Variants in FOXJ3 observed in about 807,000 individuals in gnomAD.
The protein encoded by FOXJ3 is forkhead box J3.
FOXJ3 carries 22 observed loss-of-function variants against 76.1 expected under a neutral mutation model. The ratio of observed to expected loss-of-function variants is 0.29; its 90% CI spans 0.21 to 0.41. The LOEUF is 0.41. Among genes scored for constraint, FOXJ3 ranks in the 10% least tolerant of loss-of-function variants. The pLI, the probability that FOXJ3 is intolerant of heterozygous loss-of-function variation, is 1.00. For missense variants in FOXJ3, 613 were observed against 762.1 expected (o/e 0.80, Z 2.30); for synonymous variants, 269 against 261.2 (o/e 1.03, Z -0.29).
chr1:42,249,534 C>T (rs150558139), intron 4 of FOXJ3, among the ~76,000 whole-genome samples: 14 of 152,254 alleles, frequency 9.2e-5, no homozygotes, highest in Middle Eastern at 3.4e-3. Context: ...GGCAAAGTGA[C>T]GATTTCTAGA....
chr1:42,262,993 T>C (rs1162236425), intron 4 of FOXJ3, among the ~76,000 whole-genome samples: 4 of 150,970 alleles, frequency 2.6e-5, no homozygotes, highest in African/African-American at 9.9e-5. Flanking sequence ...TGAGGTGTTT[T>C]AATACATACA....
In FOXJ3 at chr1:42,237,405, C is replaced by CATATATATATATATATAT. The variant is rs60560055; in HGVS notation, c.445-9457_445-9440dup. ...ATATATATATATACATACATACATA[C>CATATATATATATATATAT]ATATATATATATATATATATATACA... is the stretch of plus-strand genomic sequence containing the variant. On this transcript the variant is annotated intron_variant, in intron 4 of 12. Coordinates refer to ENST00000361346, the MANE Select transcript of FOXJ3 (RefSeq NM_014947.5). Among the ~76,000 whole-genome samples the CATATATATATATATATAT allele has an allele frequency of 3.0e-3, 423 of 140,668 alleles. 2 individuals are homozygous for CATATATATATATATATAT. The highest frequency in any genetic ancestry group is 7.4e-3 in the Middle Eastern group (2 of 270). 92.3% of individuals were successfully genotyped at this position (140,668 alleles called of 152,430 possible). A position where few individuals can be genotyped will look rare whatever the true frequency, so the allele number is the denominator to read the frequency against.
At chr1:42,244,400 C>T (rs1649377725) in intron 4 of FOXJ3, among the ~76,000 whole-genome samples, 1 of 152,054 alleles carries the variant, frequency 6.6e-6, no homozygotes, top group Non-Finnish European at 1.5e-5. Context: ...CCTATAGTCC[C>T]AGCTACTCAA....
At chr1:42,198,067 T>C (rs973504357) in intron 7 of FOXJ3, among the ~76,000 whole-genome samples, 58 of 152,178 alleles carry the variant, frequency 3.8e-4, no homozygotes, top group Non-Finnish European at 7.2e-4. Flanking sequence ...ATAGATTTTT[T>C]CCCCATTAAT....
intron 4 of FOXJ3, among the ~76,000 whole-genome samples, chr1:42,235,550 G>A (rs925540468): frequency 6.9e-5 from 10 of 145,358 alleles, no homozygotes; most frequent in East Asian, 2.0e-4. Context: ...GGCTCCACCC[G>A]TTTTTTTTTG....
At chr1:42,334,725 C>A (rs771207967) in intron 1 of FOXJ3, among the ~76,000 whole-genome samples, 9 of 151,934 alleles carry the variant, frequency 5.9e-5, no homozygotes, top group Non-Finnish European at 1.3e-4. Context: ...CGGTCGCTGC[C>A]CTCGGACTAG....
intron 4 of FOXJ3, among the ~76,000 whole-genome samples, chr1:42,261,847 G>C (rs1412018009): frequency 7.9e-5 from 12 of 152,126 alleles, no homozygotes; most frequent in Admixed American, 7.9e-4. Context: ...CTCCTCAAAT[G>C]TCAGGAAACA....
chr1:42,250,224 C>A (rs997779324), intron 4 of FOXJ3, among the ~76,000 whole-genome samples: 1 of 152,124 alleles, frequency 6.6e-6, no homozygotes, highest in African/African-American at 2.4e-5. Context: ...TTTAAAAAAT[C>A]TCAACTCTTC....
intron 5 of FOXJ3, among the ~76,000 whole-genome samples, chr1:42,224,897 G>T (rs944277443): frequency 6.6e-6 from 1 of 151,584 alleles, no homozygotes; most frequent in African/African-American, 2.4e-5. Flanking sequence ...GACCAGCCTC[G>T]GCAACATGGC....
At chr1:42,296,581 T>G (rs1000668224) in intron 2 of FOXJ3, among the ~76,000 whole-genome samples, 1 of 152,248 alleles carries the variant, frequency 6.6e-6, no homozygotes, top group Non-Finnish European at 1.5e-5. Flanking sequence ...CTCCACTGTT[T>G]ATTTTCATCA....
chr1:42,206,254 G>A (rs1220686075), intron 5 of FOXJ3, among the ~76,000 whole-genome samples: 1 of 152,202 alleles, frequency 6.6e-6, no homozygotes, highest in African/African-American at 2.4e-5. Flanking sequence ...GAAGCTGCCT[G>A]TGGCCATGTG....
intron 6 of FOXJ3, among the ~76,000 whole-genome samples, chr1:42,202,991 T>C (rs1646791541): frequency 6.6e-6 from 1 of 152,208 alleles, no homozygotes. Flanking sequence ...TGTGTGACCT[T>C]TTCCCCATGT....
chr1:42,230,135 C>T (rs1200489340), intron 4 of FOXJ3, among the ~76,000 whole-genome samples: 18 of 152,168 alleles, frequency 1.2e-4, no homozygotes, highest in African/African-American at 2.2e-4. Context: ...AAATCCTGAA[C>T]GCCTAAATGC....
intron 4 of FOXJ3, among the ~76,000 whole-genome samples, chr1:42,250,536 G>A (rs1414268355): frequency 6.6e-6 from 1 of 152,058 alleles, no homozygotes; most frequent in Non-Finnish European, 1.5e-5. Context: ...GGACCAAAGG[G>A]AAGCTCTATA....
chr1:42,259,496 G>A (rs1650872300), intron 4 of FOXJ3, among the ~76,000 whole-genome samples: 1 of 152,172 alleles, frequency 6.6e-6, no homozygotes, highest in African/African-American at 2.4e-5. Context: ...AGAGAACACT[G>A]TATGTCTCAA....
intron 4 of FOXJ3, among the ~76,000 whole-genome samples, chr1:42,230,497 A>G (rs1025157582): frequency 6.6e-6 from 1 of 152,198 alleles, no homozygotes; most frequent in Non-Finnish European, 1.5e-5. Flanking sequence ...AAATTAATTT[A>G]TGTTTCATAT....
chr1:42,287,840 T>C (rs535886652), intron 2 of FOXJ3, among the ~76,000 whole-genome samples: 25 of 152,226 alleles, frequency 1.6e-4, no homozygotes, highest in African/African-American at 6.0e-4. Flanking sequence ...AGTGTGTCCC[T>C]GTAGTCCCAG....
chr1:42,221,437 G>A (rs550953085), intron 5 of FOXJ3, among the ~76,000 whole-genome samples: 6 of 152,240 alleles, frequency 3.9e-5, no homozygotes, highest in Admixed American at 6.5e-5. Context: ...AAGTAACTTG[G>A]AGCACTCACT....
intron 2 of FOXJ3, among the ~76,000 whole-genome samples, chr1:42,302,116 T>C: frequency 6.6e-6 from 1 of 152,146 alleles, no homozygotes; most frequent in Non-Finnish European, 1.5e-5. Flanking sequence ...CAAATGCTGG[T>C]TATATCAGTG....
Sources: gnomAD v4.1 joint callset for allele counts (sites outside exome capture counted in the v4.1 genomes callset) on GRCh38, gnomAD v4.1.1 for gene constraint, MANE v1.5 for transcripts, NCBI Gene and HGNC (gene_info 2026-07-23, HGNC 2026-07-21) for gene names.